DNAJC15: variants seen among roughly 807,000 people sequenced by gnomAD.
The protein encoded by DNAJC15 is dnaJ homolog subfamily C member 15.
DNAJC15 carries 27 observed loss-of-function variants against 22.4 expected under a neutral mutation model. The ratio of observed to expected loss-of-function variants is 1.20; its 90% CI spans 0.89 to 1.66. The LOEUF is 1.66. Among genes scored for constraint, DNAJC15 ranks in the 40% most tolerant of loss-of-function variants. The probability of loss-of-function intolerance (pLI) is 0.00; values close to 1 mark genes in which losing one functional copy is unlikely to be tolerated. For missense variants in DNAJC15, 208 were observed against 187.1 expected (o/e 1.11, Z -0.65); for synonymous variants, 79 against 63.2 (o/e 1.25, Z -1.19).
At chr13:43,061,158 A>T (rs751811947) in intron 1 of DNAJC15, among the ~76,000 whole-genome samples, 21 of 152,328 alleles carry the variant, frequency 1.4e-4, no homozygotes, top group Non-Finnish European at 2.6e-4. Context: ...TTATGAAATG[A>T]CGACAGAATA....
chr13:43,083,413 C>T (rs1566213275), intron 4 of DNAJC15, among the ~76,000 whole-genome samples: 3 of 152,028 alleles, frequency 2.0e-5, no homozygotes, highest in Admixed American at 6.6e-5. Context: ...GTGATCTGCC[C>T]GCCTCAGCCT....
chr13:43,032,577 A>C (rs1294466687), intron 1 of DNAJC15, among the ~76,000 whole-genome samples: 1 of 152,174 alleles, frequency 6.6e-6, no homozygotes, highest in Non-Finnish European at 1.5e-5. Flanking sequence ...TAATCCTGGC[A>C]CTTTGGGAGG....
At chr13:43,040,074 C>T (rs2040446403) in intron 1 of DNAJC15, among the ~76,000 whole-genome samples, 1 of 152,100 alleles carries the variant, frequency 6.6e-6, no homozygotes. Flanking sequence ...AATTAAATAG[C>T]AGGGATGAGC....
intron 4 of DNAJC15, among the ~76,000 whole-genome samples, chr13:43,082,607 G>C (rs1327915325): frequency 1.3e-5 from 2 of 152,078 alleles, no homozygotes; most frequent in African/African-American, 4.8e-5. Flanking sequence ...TTCCTTCCTT[G>C]TGTTTACTTT....
intron 1 of DNAJC15, among the ~76,000 whole-genome samples, chr13:43,024,504 C>T (rs961651529): frequency 1.3e-5 from 2 of 151,884 alleles, no homozygotes; most frequent in African/African-American, 2.4e-5. Context: ...CCACCACTCC[C>T]GGCTAATTTT....
At chr13:43,026,286 T>C (rs2040380369) in intron 1 of DNAJC15, among the ~76,000 whole-genome samples, 1 of 152,248 alleles carries the variant, frequency 6.6e-6, no homozygotes, top group African/African-American at 2.4e-5. Context: ...AAGATTATCA[T>C]AAACTTTTCA....
chr13:43,025,105 A>G (rs1303260148), intron 1 of DNAJC15, among the ~76,000 whole-genome samples: 1 of 152,030 alleles, frequency 6.6e-6, no homozygotes, highest in African/African-American at 2.4e-5. Flanking sequence ...GAAAGTTTTA[A>G]GTAACTGGTC....
intron 5 of DNAJC15, among the ~76,000 whole-genome samples, chr13:43,102,273 GATT>G (rs979518029): frequency 6.6e-6 from 1 of 151,832 alleles, no homozygotes; most frequent in Non-Finnish European, 1.5e-5. Context: ...TTTTTGATGG[GATT>G]ATTTATTTTT....
rs1423797609 is a variant in DNAJC15 at position 43,113,509 on chromosome 13, T to C, written c.*6261T>C. On this transcript the variant is annotated 3_prime_UTR_variant, in exon 6 of 6. Coordinates refer to ENST00000379221, the MANE Select transcript of DNAJC15 (RefSeq NM_013238.3). ...GAGATTGTCCAGTTAATTCTCTATT[T>C]CCAGTAGCTGTAATAAATGGTGAAA... is the stretch of plus-strand genomic sequence containing the variant. 1.3e-5 allele frequency: 2 copies of C among 152,216 alleles called. No individual in the cohort carries two copies. Among genetic ancestry groups the C allele is most frequent in the African/African-American group, 4.8e-5 (2 of 41,436 alleles). The allele number at this position is 152,216 out of a possible 1,614,324, so 9.4% of individuals were successfully genotyped here.
intron 1 of DNAJC15, among the ~76,000 whole-genome samples, chr13:43,060,517 G>T (rs1469785646): frequency 6.6e-6 from 1 of 152,130 alleles, no homozygotes; most frequent in African/African-American, 2.4e-5. Context: ...GAGTTTTTGG[G>T]CTCTATCCTT....
intron 5 of DNAJC15, among the ~76,000 whole-genome samples, chr13:43,104,832 G>A (rs1209919452): frequency 6.6e-6 from 1 of 151,394 alleles, no homozygotes; most frequent in African/African-American, 2.4e-5. Flanking sequence ...CAGACTACAG[G>A]TGTGCACCAC....
In DNAJC15 at chr13:43,072,092, T is replaced by C. The variant is rs146775110; in HGVS notation, c.234+3089T>C. On this transcript the variant is annotated intron_variant, in intron 3 of 5. Transcript: ENST00000379221. The stretch of plus-strand genomic sequence containing the variant: ...GCATACTCACAGCTAGATTTTTTGG[T>C]GGTCTTATTATTCTTATTCCATTGT... Among the ~76,000 whole-genome samples, 263 of 152,334 alleles carry C rather than the reference T, an allele frequency of 1.7e-3. 1 individual carries two copies. Among genetic ancestry groups the C allele is most frequent in the South Asian group, 6.2e-3 (30 of 4,830 alleles).
At chr13:43,062,263 A>G (rs1033325212) in intron 1 of DNAJC15, among the ~76,000 whole-genome samples, 1 of 152,230 alleles carries the variant, frequency 6.6e-6, no homozygotes, top group Non-Finnish European at 1.5e-5. Flanking sequence ...AGCCTTCTCA[A>G]CAGGAGCTGT....
At chr13:43,044,077 A>G (rs2040465619) in intron 1 of DNAJC15, among the ~76,000 whole-genome samples, 1 of 152,088 alleles carries the variant, frequency 6.6e-6, no homozygotes, top group Non-Finnish European at 1.5e-5. Flanking sequence ...CATGTATAAT[A>G]CCTCTTTTAC....
chr13:43,078,563 C>CA, intron 3 of DNAJC15, 49 bp from the exon 4 acceptor site: 2 of 1,483,414 alleles, frequency 1.3e-6, no homozygotes, highest in Non-Finnish European at 1.9e-6. Flanking sequence ...GAGGTCATGC[C>CA]ACCTCATACG....
At chr13:43,094,564 ATT>A (rs2040730711) in intron 5 of DNAJC15, among the ~76,000 whole-genome samples, 1 of 152,232 alleles carries the variant, frequency 6.6e-6, no homozygotes, top group Admixed American at 6.5e-5. Flanking sequence ...TCTCCTTAGC[ATT>A]TTGAAACTTC....
intron 1 of DNAJC15, among the ~76,000 whole-genome samples, chr13:43,032,164 TCTTC>T (rs941495242): frequency 6.6e-6 from 1 of 152,210 alleles, no homozygotes; most frequent in African/African-American, 2.4e-5. Flanking sequence ...TACCGTGGTT[TCTTC>T]CTTGTTTTCA....
intron 1 of DNAJC15, among the ~76,000 whole-genome samples, chr13:43,032,587 G>A (rs1377069931): frequency 5.3e-5 from 8 of 152,152 alleles, no homozygotes; most frequent in Admixed American, 3.9e-4. Context: ...ACTTTGGGAG[G>A]CCAAGGTGAG....
At chr13:43,040,422 C>G (rs903357513) in intron 1 of DNAJC15, among the ~76,000 whole-genome samples, 1 of 152,126 alleles carries the variant, frequency 6.6e-6, no homozygotes, top group Non-Finnish European at 1.5e-5. Context: ...ACCTGGTTAT[C>G]ATCTTGAAGT....
Sources: allele counts gnomAD v4.1 joint callset (sites outside exome capture counted in the v4.1 genomes callset), GRCh38; gene constraint gnomAD v4.1.1; transcripts MANE v1.5; gene names NCBI Gene and HGNC (gene_info 2026-07-23, HGNC 2026-07-21).